Variants in PRKCZ observed in about 807,000 individuals in gnomAD.
PRKCZ encodes the protein protein kinase C zeta, also known as protein kinase C zeta type.
In PRKCZ, 33 loss-of-function variants were observed where a neutral mutation model predicts 79.5. That is an observed-to-expected ratio of 0.41 (90% CI 0.31 to 0.55). PRKCZ has a LOEUF of 0.55. Among genes scored for constraint, PRKCZ ranks in the 20% least tolerant of loss-of-function variants. The pLI is 0.19. For missense variants in PRKCZ, 578 were observed against 813.5 expected, an observed-to-expected ratio of 0.71 and a Z score of 3.52; for synonymous variants, 342 against 320.9, an observed-to-expected ratio of 1.07 and a Z score of -0.70.
At position 2,178,251 on chromosome 1, in the gene PRKCZ, T is replaced by G. The variant is rs1365042117; in HGVS notation, c.1575+2938T>G. 6.6e-6 allele frequency among the ~76,000 whole-genome samples: 1 copy of G among 152,212 alleles called. No individual in the cohort carries two copies. Among genetic ancestry groups the G allele is most frequent in the African/African-American group, 2.4e-5 (1 of 41,452 alleles). On this transcript the variant is annotated intron_variant, in intron 16 of 17. Coordinates refer to ENST00000378567, the MANE Select transcript of PRKCZ (RefSeq NM_002744.6). The surrounding 1 kb of genome is among the most constrained non-coding windows in gnomAD (Gnocchi z 4.3). ...GCTGCTCCGCCAGGCTGTGTGGCTC[T>G]GCCTGGTCTGCACATGTCATGGAAG...
chr1:2,152,339 C>T (rs1161488443), intron 9 of PRKCZ, among the ~76,000 whole-genome samples: 1 of 151,972 alleles, frequency 6.6e-6, no homozygotes, highest in Admixed American at 6.6e-5. Context: ...TCAAGACCAG[C>T]CTGAACAATA....
intron 5 of PRKCZ, chr1:2,141,027 C>T (rs955609281): frequency 2.6e-5 from 4 of 152,206 alleles, no homozygotes; most frequent in African/African-American, 7.2e-5. Context: ...GTACTTAAAA[C>T]GTTTTTACCC....
At chr1:2,175,378 C>T in intron 16 of PRKCZ, 65 bp downstream of exon 16, 1 of 1,354,024 alleles carries the variant, frequency 7.4e-7, no homozygotes, top group Non-Finnish European at 1.0e-6. Flanking sequence ...ACCCAACCCC[C>T]ATCCCAACCC....
At position 2,059,276 on chromosome 1, in the gene PRKCZ, C is replaced by G. The variant is rs117887496; in HGVS notation, c.284-265C>G. On this transcript the variant is annotated intron_variant, in intron 3 of 17. Coordinates refer to ENST00000378567, the MANE Select transcript of PRKCZ (RefSeq NM_002744.6). ...TTTTATATAGTTTAAAAATACAAAT[C>G]AGTAGCTTCCTCTGATGGCTTTGCT... Among the ~76,000 whole-genome samples the G allele has an allele frequency of 5.5e-4, 84 of 152,358 alleles. 1 individual carries two copies. The East Asian group carries it at 0.015, about 28-fold the overall frequency.
At chr1:2,116,217 C>G (rs1670726462) in intron 4 of PRKCZ, 1 of 152,314 alleles carries the variant, frequency 6.6e-6, no homozygotes, top group Non-Finnish European at 1.5e-5. Context: ...ATTCCCGATG[C>G]ACCTCCTTCC....
chr1:2,050,494 C>G lies in PRKCZ; in HGVS notation c.-137C>G. 2.5e-6 allele frequency: 1 copy of G among 399,380 alleles called. No homozygotes were observed. Among genetic ancestry groups the G allele is most frequent in the Non-Finnish European group, 3.9e-6 (1 of 257,454 alleles). The allele number at this position is 399,380 out of a possible 1,614,324, so 24.7% of individuals were successfully genotyped here. ...CGCCCCGCGCGCCGCCGGAGTTCCG[C>G]GGAGTTGACCGGGTCGGCGCCGTCG... On this transcript the variant is annotated 5_prime_UTR_variant, in exon 1 of 18. Coordinates refer to ENST00000378567, the MANE Select transcript of PRKCZ (RefSeq NM_002744.6).
At chr1:2,130,317 A>G (rs2102982053) in intron 4 of PRKCZ, among the ~76,000 whole-genome samples, 1 of 152,254 alleles carries the variant, frequency 6.6e-6, no homozygotes, top group Non-Finnish European at 1.5e-5. Flanking sequence ...GGCTTCCCCC[A>G]TTTCACTGAG....
At position 2,082,165 on chromosome 1, in the gene PRKCZ, G is replaced by A. The variant is rs79447860; in HGVS notation, c.334+22574G>A. The A allele has an allele frequency of 3.3e-3, 1,162 of 347,748 alleles. 49 individuals carry two copies. The East Asian group carries it at 0.078, about 23-fold the overall frequency. The allele number at this position is 347,748 out of a possible 1,614,324, so 21.5% of individuals were successfully genotyped here. On this transcript the variant is annotated intron_variant, in intron 4 of 17. Transcript: ENST00000378567. The surrounding 1 kb of genome is among the most constrained non-coding windows in gnomAD (Gnocchi z 4.4). ...GTGGTCAGGGGTGCTGGACGCGTCA[G>A]ACGGGTTCTTTGCAGCCCTTGGCAG...
Position 2,137,021 on chromosome 1 carries a change from C to T in PRKCZ, c.420+1674C>T, listed in dbSNP as rs546182394. Among the ~76,000 whole-genome samples the T allele has an allele frequency of 5.9e-5, 9 of 152,268 alleles. No homozygotes were observed. The East Asian group carries it at 1.4e-3, about 23-fold the overall frequency. ...AGTCTTACGATAGGCCAGCTGCAGG[C>T]TGGGGAAGAAAGAAGCCAGCAGTGG... is the stretch of plus-strand genomic sequence containing the variant. On this transcript the variant is annotated intron_variant, in intron 5 of 17. Transcript: ENST00000378567.
At chr1:2,066,339 G>T (rs970582775) in intron 4 of PRKCZ, among the ~76,000 whole-genome samples, 2 of 152,046 alleles carry the variant, frequency 1.3e-5, no homozygotes, top group African/African-American at 4.8e-5. Context: ...GCTTTGCTTT[G>T]TTGGGAGGTT....
chr1:2,134,666 G>T (rs780337005), intron 4 of PRKCZ: 1 of 152,204 alleles, frequency 6.6e-6, no homozygotes, highest in African/African-American at 2.4e-5. Flanking sequence ...CCTGCCCTGA[G>T]ATTTATTAGG....
chr1:2,070,807 G>A (rs561868236), intron 4 of PRKCZ, among the ~76,000 whole-genome samples: 5 of 151,726 alleles, frequency 3.3e-5, no homozygotes, highest in Admixed American at 1.3e-4. Context: ...CCTCGGCTGC[G>A]GGGGCCGGGG....
Position 2,126,167 on chromosome 1 carries a change from G to C in PRKCZ, c.335-9095G>C, listed in dbSNP as rs186773776. Reference sequence around the variant, plus strand: ...CTCCCCCCGCCTGCACCAGGCACCAGAGACCCGGATGCCAAGGCCTGTCAG... The same window carrying C: ...CTCCCCCCGCCTGCACCAGGCACCACAGACCCGGATGCCAAGGCCTGTCAG... On this transcript the variant is annotated intron_variant, in intron 4 of 17. Transcript: ENST00000378567. Among the ~76,000 whole-genome samples, 276 of 152,322 alleles carry C rather than the reference G, an allele frequency of 1.8e-3. 1 individual carries two copies. Among genetic ancestry groups the C allele is most frequent in the Non-Finnish European group, 2.5e-3 (169 of 68,024 alleles).
chr1:2,111,245 A>G (rs1669685680), intron 4 of PRKCZ, among the ~76,000 whole-genome samples: 1 of 152,112 alleles, frequency 6.6e-6, no homozygotes, highest in African/African-American at 2.4e-5. Context: ...AGAAAGAGGC[A>G]GAGAAGGTGT....
In PRKCZ at chr1:2,172,518, C is replaced by T. The variant is rs1048309076; in HGVS notation, c.1285+130C>T. ...AAAGCCACACACTGTCTTTCCCAGC[C>T]GGATGTCATCATCTGGCCTCAGCCC... is the stretch of plus-strand genomic sequence containing the variant. On this transcript the variant is annotated intron_variant, in intron 13 of 17. Transcript: ENST00000378567. The surrounding 1 kb of genome is among the most constrained non-coding windows in gnomAD (Gnocchi z 7.8). 2.2e-5 allele frequency: 23 copies of T among 1,058,064 alleles called. No homozygotes were observed. In the East Asian group the frequency reaches 2.9e-4, roughly 13 times the overall value. The allele number at this position is 1,058,064 out of a possible 1,614,324, so 65.5% of individuals were successfully genotyped here.
intron 4 of PRKCZ, among the ~76,000 whole-genome samples, chr1:2,109,859 G>A (rs912004494): frequency 3.3e-5 from 5 of 152,210 alleles, no homozygotes; most frequent in Non-Finnish European, 7.4e-5. Flanking sequence ...TCCTGGAGCC[G>A]GGCGAGAGAG....
intron 10 of PRKCZ, among the ~76,000 whole-genome samples, chr1:2,160,846 C>T (rs1220245823): frequency 1.3e-5 from 2 of 152,092 alleles, no homozygotes; most frequent in Admixed American, 6.5e-5. Context: ...GATGGAGACG[C>T]CCCGCCCCGC....
intron 4 of PRKCZ, among the ~76,000 whole-genome samples, chr1:2,070,105 C>T (rs1661443893): frequency 1.3e-5 from 2 of 152,174 alleles, no homozygotes; most frequent in Admixed American, 1.3e-4. Flanking sequence ...AGCCGCAGAC[C>T]CCACTTAGCA....
At chr1:2,110,406 G>C (rs1404083408) in intron 4 of PRKCZ, among the ~76,000 whole-genome samples, 1 of 152,222 alleles carries the variant, frequency 6.6e-6, no homozygotes, top group Non-Finnish European at 1.5e-5. Flanking sequence ...CTTCATCCCC[G>C]GTCAGGGGGC....
Sources: allele counts gnomAD v4.1 joint callset (sites outside exome capture counted in the v4.1 genomes callset), GRCh38; gene constraint gnomAD v4.1.1; non-coding constraint Gnocchi (gnomAD v3.1); transcripts MANE v1.5; gene names NCBI Gene and HGNC (gene_info 2026-07-23, HGNC 2026-07-21).